The following XKR6 variants were observed in gnomAD, a reference collection of about 807,000 sequenced individuals.
XKR6 encodes XK-related protein 6.
A neutral mutation model predicts 56.7 loss-of-function variants in XKR6; 22 were observed. The ratio of observed to expected loss-of-function variants is 0.39; its 90% confidence interval spans 0.28 to 0.55. The LOEUF is 0.55. XKR6 is among the 20% of genes least tolerant of loss of function. The pLI is 0.66. For synonymous variants in XKR6, 524 were observed against 387.8 expected, an observed-to-expected ratio of 1.35 and a Z score of -4.13; for missense variants, 852 against 889.0, an observed-to-expected ratio of 0.96 and a Z score of 0.53.
At chr8:10,946,382 C>T (rs767200187) in intron 1 of XKR6, among the ~76,000 whole-genome samples, 24 of 152,086 alleles carry the variant, frequency 1.6e-4, no homozygotes, top group Non-Finnish European at 2.9e-4. Context: ...AGAGCCCACC[C>T]GGGGCAGTGA....
chr8:10,944,107 G>T lies in XKR6; in HGVS notation c.765-19277C>A, dbSNP rs367553953. ...CAGGAGGGGCATCCATATACCCAGC[G>T]CCCCCCAGCCCACCACGGTAACATC... On this transcript the variant is annotated intron_variant, in intron 1 of 2. Transcript: ENST00000416569. Among the ~76,000 whole-genome samples, 3 of 151,978 alleles carry T rather than the reference G, an allele frequency of 2.0e-5. No homozygotes were observed. The East Asian group carries it at 5.8e-4, about 29-fold the overall frequency.
intron 1 of XKR6, among the ~76,000 whole-genome samples, chr8:11,114,773 G>GTGTGTGTGTATATA (rs34746866): frequency 4.1e-5 from 6 of 146,500 alleles, no homozygotes; most frequent in South Asian, 2.2e-4. Flanking sequence ...GTGTGTGTGT[G>GTGTGTGTGTATATA]TATGTGCCAG....
At chr8:11,132,684 T>A (rs1247514054) in intron 1 of XKR6, among the ~76,000 whole-genome samples, 1 of 152,014 alleles carries the variant, frequency 6.6e-6, no homozygotes, top group Non-Finnish European at 1.5e-5. Context: ...TAAAGTTCTA[T>A]GTCATACCTG....
At chr8:11,158,651 G>A (rs531901546) in intron 1 of XKR6, among the ~76,000 whole-genome samples, 117 of 152,170 alleles carry the variant, frequency 7.7e-4, no homozygotes, top group Middle Eastern at 3.4e-3. Context: ...AAAACAAAAC[G>A]TTTAAACACA....
At chr8:11,032,583 G>T in intron 1 of XKR6, among the ~76,000 whole-genome samples, 1 of 152,218 alleles carries the variant, frequency 6.6e-6, no homozygotes. Context: ...ACAAGGCAGG[G>T]CTGTAATAGA....
rs201865151 is a variant in XKR6 at position 10,897,955 on chromosome 8, G to C, written c.1923C>G (p.Leu641=). ...LYELLQYESS[L] ...TCTCAACTTGGTCAAGATGCTCTTA[G>C]AGTGAAGACTCATACTGTAGCAACT... The change falls in exon 3 of 3, where the codon CTC becomes CTG. Residue 641 remains leucine, a synonymous_variant. Coordinates refer to ENST00000416569, the MANE Select transcript of XKR6 (RefSeq NM_173683.4). 2 of 1,565,934 alleles carry C rather than the reference G, an allele frequency of 1.3e-6. No individual in the cohort carries two copies. Among genetic ancestry groups the C allele is most frequent in the African/African-American group, 1.4e-5 (1 of 72,574 alleles).
At chr8:10,965,137 T>C (rs1305934108) in intron 1 of XKR6, among the ~76,000 whole-genome samples, 1 of 152,232 alleles carries the variant, frequency 6.6e-6, no homozygotes, top group Non-Finnish European at 1.5e-5. Context: ...CAGCAAGCTC[T>C]GGCCTCATGG....
intron 1 of XKR6, among the ~76,000 whole-genome samples, chr8:11,119,347 C>G (rs1799335109): frequency 6.6e-6 from 1 of 152,168 alleles, no homozygotes; most frequent in Non-Finnish European, 1.5e-5. Context: ...GAGTTGAGTT[C>G]AATTCCTGGA....
intron 1 of XKR6, among the ~76,000 whole-genome samples, chr8:10,925,067 C>T (rs1586312421): frequency 1.3e-5 from 2 of 152,242 alleles, no homozygotes; most frequent in East Asian, 3.9e-4. Flanking sequence ...GACCCCTAGG[C>T]AGGTCTTCCT....
intron 1 of XKR6, among the ~76,000 whole-genome samples, chr8:10,931,752 G>A (rs1036337394): frequency 2.6e-5 from 4 of 151,580 alleles, no homozygotes; most frequent in African/African-American, 9.7e-5. Flanking sequence ...AAAACTTTAA[G>A]AAGAAACTGC....
chr8:11,140,043 C>A (rs1209492906), intron 1 of XKR6, among the ~76,000 whole-genome samples: 2 of 150,996 alleles, frequency 1.3e-5, no homozygotes, highest in African/African-American at 4.9e-5. Flanking sequence ...TCGTTTTATA[C>A]ATAAAGATTA....
rs986931373 is a variant in XKR6 at position 11,175,821 on chromosome 8, C to T, written c.764+24755G>A. 2.6e-5 allele frequency among the ~76,000 whole-genome samples: 4 copies of T among 152,150 alleles called. No homozygotes were observed. The East Asian group carries it at 5.8e-4, about 22-fold the overall frequency. On this transcript the variant is annotated intron_variant, in intron 1 of 2. Coordinates refer to ENST00000416569, the MANE Select transcript of XKR6 (RefSeq NM_173683.4). ...TACCTTCCAAAATACACTACACATCCGTCCGTCAACAGTCCCCAAGGTGCT... is the reference window on the plus strand; with the variant it reads ...TACCTTCCAAAATACACTACACATCTGTCCGTCAACAGTCCCCAAGGTGCT...
At chr8:10,907,876 C>T (rs1253799507) in intron 2 of XKR6, among the ~76,000 whole-genome samples, 1 of 152,232 alleles carries the variant, frequency 6.6e-6, no homozygotes, top group Admixed American at 6.5e-5. Context: ...GATGACACTT[C>T]TGTTCCATCT....
chr8:11,181,817 T>C (rs1176011840), intron 1 of XKR6, among the ~76,000 whole-genome samples: 2 of 152,192 alleles, frequency 1.3e-5, no homozygotes. Context: ...AAAACAACCC[T>C]ATGACATAGT....
intron 1 of XKR6, among the ~76,000 whole-genome samples, chr8:11,121,013 T>G (rs1207694974): frequency 6.6e-6 from 1 of 152,206 alleles, no homozygotes; most frequent in Non-Finnish European, 1.5e-5. Context: ...GATCCCTTCC[T>G]TACACCTTAG....
intron 1 of XKR6, among the ~76,000 whole-genome samples, chr8:10,927,732 G>A (rs62494189): frequency 3.2e-4 from 49 of 152,312 alleles, no homozygotes; most frequent in African/African-American, 1.1e-3. Flanking sequence ...ATGCCTGCCA[G>A]GAGGAGCCAA....
intron 1 of XKR6, among the ~76,000 whole-genome samples, chr8:11,061,928 C>T (rs1799845663): frequency 6.6e-6 from 1 of 152,194 alleles, no homozygotes; most frequent in Admixed American, 6.5e-5. Flanking sequence ...TCTTAGCTTC[C>T]CTGCCTGTGT....
intron 1 of XKR6, among the ~76,000 whole-genome samples, chr8:11,058,009 C>G (rs909573678): frequency 6.6e-6 from 1 of 152,206 alleles, no homozygotes; most frequent in African/African-American, 2.4e-5. Flanking sequence ...CATGTGTTGC[C>G]TTTAACTCTA....
At chr8:11,143,687 G>C (rs1800823634) in intron 1 of XKR6, among the ~76,000 whole-genome samples, 1 of 152,182 alleles carries the variant, frequency 6.6e-6, no homozygotes, top group Non-Finnish European at 1.5e-5. Context: ...GGAAGGGAAG[G>C]GATTGTGATT....
Sources: allele counts gnomAD v4.1 joint callset (sites outside exome capture counted in the v4.1 genomes callset), GRCh38; gene constraint gnomAD v4.1.1; transcripts MANE v1.5; gene names NCBI Gene and HGNC (gene_info 2026-07-23, HGNC 2026-07-21).